Variants in NLRC5 observed in about 807,000 individuals in gnomAD.
NLRC5 encodes the protein NLR family CARD domain containing 5, also known as protein NLRC5.
In NLRC5, 114 loss-of-function variants were observed where a neutral mutation model predicts 206.9. The ratio of observed to expected loss-of-function variants is 0.55; its 90% CI spans 0.47 to 0.64. The LOEUF is 0.64. NLRC5 is among the 30% of genes least tolerant of loss of function. The pLI, the probability that NLRC5 is intolerant of heterozygous loss-of-function variation, is 0.00. For missense variants in NLRC5, 2,008 were observed against 2,305.5 expected, an observed-to-expected ratio of 0.87 and a Z score of 2.64; for synonymous variants, 952 against 962.8, an observed-to-expected ratio of 0.99 and a Z score of 0.21.
At position 57,022,469 on chromosome 16, in the gene NLRC5, G is replaced by A. The variant is rs867315983; in HGVS notation, c.355+154G>A. Among the ~76,000 whole-genome samples, 5 of 152,202 alleles carry A rather than the reference G, an allele frequency of 3.3e-5. No homozygotes were observed. The East Asian group carries it at 7.7e-4, about 23-fold the overall frequency. On this transcript the variant is annotated intron_variant, in intron 4 of 48. Coordinates refer to ENST00000688547, the MANE Select transcript of NLRC5 (RefSeq NM_001384950.1). ...CTGTCCCTGACCCATTTGCAAGTGT[G>A]TCAAGCCCCTAACTGTGTCTCCCAG... is the stretch of plus-strand genomic sequence containing the variant.
At chr16:56,996,900 C>T (rs1193184443) in intron 1 of NLRC5, among the ~76,000 whole-genome samples, 1 of 152,146 alleles carries the variant, frequency 6.6e-6, no homozygotes, top group Non-Finnish European at 1.5e-5. Context: ...GACAGTGTCT[C>T]ACTCTGTTGC....
intron 1 of NLRC5, among the ~76,000 whole-genome samples, chr16:57,000,789 G>T (rs1372696617): frequency 1.3e-5 from 2 of 152,164 alleles, no homozygotes; most frequent in African/African-American, 4.8e-5. Context: ...TGCCCTGCCA[G>T]CATTTGTGGG....
At chr16:57,078,048 A>C in intron 43 of NLRC5, 28 bp downstream of exon 43, 1 of 1,543,582 alleles carries the variant, frequency 6.5e-7, no homozygotes, top group Non-Finnish European at 8.8e-7. Flanking sequence ...CATACCATGC[A>C]GGGCTGGTGG....
At chr16:57,019,725 A>G (rs1389593293) in intron 2 of NLRC5, among the ~76,000 whole-genome samples, 7 of 152,212 alleles carry the variant, frequency 4.6e-5, no homozygotes, top group African/African-American at 1.4e-4. Flanking sequence ...CTTACATTCC[A>G]CTGGCCAAAT....
rs907358589 is a variant in NLRC5 at position 57,051,688 on chromosome 16, A to C, written c.3506+67A>C. 28 of 1,262,972 alleles carry C rather than the reference A, an allele frequency of 2.2e-5. No individual in the cohort carries two copies. The African/African-American group carries it at 4.1e-4, about 19-fold the overall frequency. The allele number at this position is 1,262,972 out of a possible 1,614,324, so 78.2% of individuals were successfully genotyped here. On this transcript the variant is annotated intron_variant, in intron 24 of 48. Coordinates refer to ENST00000688547, the MANE Select transcript of NLRC5 (RefSeq NM_001384950.1). ...GTGTTTCTAAGGCTCCTCCATGGCA[A>C]AGCTGTACCTGCCCTCTAACCCCTC...
chr16:57,067,076 A>C (rs2067157099), intron 34 of NLRC5, among the ~76,000 whole-genome samples: 1 of 152,164 alleles, frequency 6.6e-6, no homozygotes, highest in Admixed American at 6.5e-5. Flanking sequence ...TTGGGAAATT[A>C]AAATGTCACC....
In NLRC5 at chr16:57,041,982, C is replaced by T; in HGVS notation, c.3030C>T (p.Asp1010=). 6.4e-7 allele frequency: 1 copy of T among 1,568,764 alleles called. No individual in the cohort carries two copies. ...GSCHLGHLHL[D]FSGNALGDEG... ...TCCCCTCCCTTCTCCCCACCCCCAG[C>T]TTCTCAGGCAATGCTCTGGGGGATG... The change falls in exon 19 of 49, where the codon GAC becomes GAT. Residue 1010 remains aspartate (D), a splice_region_variant and synonymous_variant. Coordinates refer to ENST00000688547, the MANE Select transcript of NLRC5 (RefSeq NM_001384950.1).
At chr16:57,019,133 A>G (rs2142885765) in intron 2 of NLRC5, among the ~76,000 whole-genome samples, 1 of 152,274 alleles carries the variant, frequency 6.6e-6, no homozygotes, top group South Asian at 2.1e-4. Context: ...GATGGCTCAC[A>G]CCTGTAATCC....
rs147715311 is a variant in NLRC5, at chr16:57,044,036, C to T, written c.3203+432C>T. On this transcript the variant is annotated intron_variant, in intron 20 of 48. Coordinates refer to ENST00000688547, the MANE Select transcript of NLRC5 (RefSeq NM_001384950.1). ...ACTGGGGGCCAGGCGCGGTGGCTCA[C>T]GCCTGTAATCCCAGCATTTTGGGAG... Among the ~76,000 whole-genome samples the T allele has an allele frequency of 1.3e-3, 192 of 151,752 alleles. 2 individuals are homozygous for T. The East Asian group carries it at 0.036, about 28-fold the overall frequency.
At position 57,039,751 on chromosome 16, in the gene NLRC5, C is replaced by T. The variant is rs1253497023; in HGVS notation, c.2802-30C>T. 2.5e-6 allele frequency: 4 copies of T among 1,600,224 alleles called. No individual in the cohort carries two copies. The South Asian group carries it at 3.3e-5, about 13-fold the overall frequency. On this transcript the variant is annotated intron_variant, in intron 15 of 48. Coordinates refer to ENST00000688547, the MANE Select transcript of NLRC5 (RefSeq NM_001384950.1). ...TAGTAACAGGGAGCCAATAACCTCT[C>T]GCTTCCTCACCCCTCTTTTGTCTTC...
chr16:57,068,367 G>T (rs1490073766), intron 36 of NLRC5, among the ~76,000 whole-genome samples: 1 of 151,130 alleles, frequency 6.6e-6, no homozygotes, highest in African/African-American at 2.4e-5. Flanking sequence ...GGAGGCTGAG[G>T]TTACAGTGAG....
At chr16:57,056,317 G>T (rs2065651949) in intron 27 of NLRC5, among the ~76,000 whole-genome samples, 2 of 152,222 alleles carry the variant, frequency 1.3e-5, no homozygotes, top group South Asian at 4.1e-4. Flanking sequence ...AAGACCTGGG[G>T]TCTCACTCTG....
chr16:57,025,983 G>A lies in NLRC5; in HGVS notation c.1040G>A (p.Arg347His), dbSNP rs1317479911. The part of the protein sequence containing the change: ...LPGCRVMATS[R>H]PGKLPACLPA... ...GGCTGCCGGGTGATGGCTACCTCCC[G>A]TCCAGGGAAGCTGCCTGCCTGCCTG... The change falls in exon 6 of 49, where the codon CGT (arginine) becomes CAT (histidine). Residue 347 changes from arginine (R) to histidine (H), a missense_variant. Arg to His is a conservative substitution (Grantham distance 29). Transcript: ENST00000688547. 1.7e-5 allele frequency: 27 copies of A among 1,613,960 alleles called. No individual in the cohort carries two copies. The highest frequency in any genetic ancestry group is 1.6e-4 in the Middle Eastern group (1 of 6,062).
chr16:57,062,018 C>G (rs1207527624), intron 32 of NLRC5: 1 of 1,421,230 alleles, frequency 7.0e-7, no homozygotes, highest in African/African-American at 1.4e-5. Context: ...TGTCTGTTCA[C>G]TATGATCATT....
intron 23 of NLRC5, among the ~76,000 whole-genome samples, chr16:57,051,302 C>T (rs2064865848): frequency 6.6e-6 from 1 of 152,250 alleles, no homozygotes; most frequent in Admixed American, 6.5e-5. Flanking sequence ...ATCGCAGCCT[C>T]AGAGAAGCCC....
Position 57,037,195 on chromosome 16 carries a change from C to G in NLRC5, c.2712C>G (p.Asp904Glu). 6.2e-7 allele frequency: 1 copy of G among 1,613,452 alleles called. No homozygotes were observed. Among genetic ancestry groups the G allele is most frequent in the Non-Finnish European group, 8.5e-7 (1 of 1,179,636 alleles). Residue 904 changes from aspartate (D) to glutamate (E), a missense_variant and splice_region_variant, in exon 15 of 49, where the codon GAC becomes GAG. Transcript: ENST00000688547. ...ASQLHIARKL[D>E]LSNNGLSVAG... Reference sequence around the variant, plus strand: ...GGCTGCCTTCTCCTGCTCTCCACAGCCTCAGTAACAACGGGCTTTCTGTGG... The same window carrying G: ...GGCTGCCTTCTCCTGCTCTCCACAGGCTCAGTAACAACGGGCTTTCTGTGG...
chr16:57,066,850 C>A (rs2067134528), intron 34 of NLRC5, among the ~76,000 whole-genome samples: 1 of 152,226 alleles, frequency 6.6e-6, no homozygotes, highest in Non-Finnish European at 1.5e-5. Context: ...CTTGCTTAGA[C>A]CTTAGGGCAT....
chr16:57,046,751 G>A (rs2064030754), intron 22 of NLRC5, 110 bp downstream of exon 22: 7 of 861,732 alleles, frequency 8.1e-6, no homozygotes, highest in South Asian at 1.7e-5. Flanking sequence ...AGGGAAGAGA[G>A]GGAGTTTAAG....
Position 57,082,401 on chromosome 16 carries a change from T to C in NLRC5, c.5490-16T>C, listed in dbSNP as rs746830482. On this transcript the variant is annotated splice_polypyrimidine_tract_variant and intron_variant, in intron 48 of 48. Transcript: ENST00000688547. ...AGATGGGAGGATGAATGAGTGCCTA[T>C]ATCTGTGCCCCACAGCCTCTGGAAT... The C allele has an allele frequency of 1.3e-6, 2 of 1,589,890 alleles. No individual in the cohort carries two copies. The highest frequency in any genetic ancestry group is 1.3e-5 in the African/African-American group (1 of 74,414).
Sources: gnomAD v4.1 joint callset for allele counts (sites outside exome capture counted in the v4.1 genomes callset) on GRCh38, gnomAD v4.1.1 for gene constraint, MANE v1.5 for transcripts, NCBI Gene and HGNC (gene_info 2026-07-23, HGNC 2026-07-21) for gene names.